CA12: variants seen among roughly 807,000 people sequenced by gnomAD.
The protein encoded by CA12 is carbonic anhydrase 12, also known as carbonate dehydratase XII.
In CA12, 36 loss-of-function variants were observed where a neutral mutation model predicts 46.8. The ratio of observed to expected loss-of-function variants is 0.77; its 90% CI spans 0.59 to 1.02. The LOEUF (loss-of-function observed/expected upper bound fraction) is 1.02, where lower values mean the gene tolerates loss of function less well. CA12 is among the 50% of genes least tolerant of loss of function. The probability of loss-of-function intolerance (pLI) is 0.00; values close to 1 mark genes in which losing one functional copy is unlikely to be tolerated. For synonymous variants in CA12, 202 were observed against 187.0 expected (o/e 1.08, Z -0.65); for missense variants, 436 against 451.4 (o/e 0.97, Z 0.31).
rs2152627757 is a variant in CA12 at position 63,375,629 on chromosome 15, A to G, written c.106+29T>C. 3.5e-6 allele frequency: 5 copies of G among 1,428,256 alleles called. No individual in the cohort carries two copies. The East Asian group carries it at 1.1e-4, about 33-fold the overall frequency. The allele number at this position is 1,428,256 out of a possible 1,614,324, so 88.5% of individuals were successfully genotyped here. ...TACAACCATTTCTATTTTCTTTTCA[A>G]CAAAAAAGTATTTAAAATCTCTACT... On this transcript the variant is annotated intron_variant, in intron 2 of 10. Coordinates refer to ENST00000178638, the MANE Select transcript of CA12 (RefSeq NM_001218.5).
rs1426283923 is a variant in CA12 at position 63,341,299 on chromosome 15, C to CT, written c.526-517dup. On this transcript the variant is annotated intron_variant, in intron 5 of 10. Coordinates refer to ENST00000178638, the MANE Select transcript of CA12 (RefSeq NM_001218.5). This position sits in a 1 kb window ranked among gnomAD's most constrained non-coding sequence, Gnocchi z 5.2. ...CCCCAGGCTGTGGACCAGTACCGGT[C>CT]TGTGGCCTGTTAGGAACTGGGCCGC... Among the ~76,000 whole-genome samples the CT allele has an allele frequency of 6.6e-6, 1 of 152,098 alleles. No individual in the cohort carries two copies. Among genetic ancestry groups the CT allele is most frequent in the East Asian group, 1.9e-4 (1 of 5,198 alleles).
intron 2 of CA12, among the ~76,000 whole-genome samples, chr15:63,371,022 G>T (rs2039498559): frequency 6.6e-6 from 1 of 152,112 alleles, no homozygotes; most frequent in Non-Finnish European, 1.5e-5. Flanking sequence ...TTTTTATATT[G>T]CAATTCAGGT....
rs2038800463 is a variant in CA12 at position 63,322,314 on chromosome 15, C to T, written c.*3971G>A. ...TTCAAAGATTTACTGCAGAAAAAAA[C>T]ACATGAAAATACTGGTTACATGTGG... On this transcript the variant is annotated 3_prime_UTR_variant, in exon 11 of 11. Coordinates refer to ENST00000178638, the MANE Select transcript of CA12 (RefSeq NM_001218.5). This position sits in a 1 kb window ranked among gnomAD's most constrained non-coding sequence, Gnocchi z 4.1. 1 of 151,698 alleles carries T rather than the reference C, an allele frequency of 6.6e-6. No individual in the cohort carries two copies. The highest frequency in any genetic ancestry group is 6.6e-5 in the Admixed American group (1 of 15,232). 9.4% of individuals were successfully genotyped at this position (151,698 alleles called of 1,614,324 possible). A position where few individuals can be genotyped will look rare whatever the true frequency, so the allele number is the denominator to read the frequency against.
At chr15:63,357,392 C>A (rs1268194364) in intron 2 of CA12, among the ~76,000 whole-genome samples, 1 of 152,178 alleles carries the variant, frequency 6.6e-6, no homozygotes, top group African/African-American at 2.4e-5. Flanking sequence ...CAGCCCAGAG[C>A]CATATTTCTC....
chr15:63,362,390 A>T (rs1197948212), intron 2 of CA12, among the ~76,000 whole-genome samples: 1 of 152,234 alleles, frequency 6.6e-6, no homozygotes, highest in Non-Finnish European at 1.5e-5. Flanking sequence ...GCTCTGAACC[A>T]TGACAGTTCA....
At chr15:63,379,661 C>T (rs369423115) in intron 1 of CA12, among the ~76,000 whole-genome samples, 2 of 152,184 alleles carry the variant, frequency 1.3e-5, no homozygotes, top group African/African-American at 4.8e-5. Flanking sequence ...GGGAGGTTCC[C>T]CTGGAGGGAA....
At chr15:63,365,456 T>C (rs916512509) in intron 2 of CA12, among the ~76,000 whole-genome samples, 1 of 152,236 alleles carries the variant, frequency 6.6e-6, no homozygotes, top group Non-Finnish European at 1.5e-5. Flanking sequence ...TGGAGCCACC[T>C]GACAGTTTTG....
In CA12 at chr15:63,373,357, CA is replaced by C. The variant is rs34038507; in HGVS notation, c.106+2300del. Among the ~76,000 whole-genome samples, 651 of 138,938 alleles carry C rather than the reference CA, an allele frequency of 4.7e-3. 1 individual carries two copies. The highest frequency in any genetic ancestry group is 8.3e-3 in the African/African-American group (310 of 37,544). The allele number at this position is 138,938 out of a possible 152,430, so 91.1% of individuals were successfully genotyped here. A position where few individuals can be genotyped will look rare whatever the true frequency, so the allele number is the denominator to read the frequency against. ...TCCACCCTGGGTGAGAATGAGACTCCAAAAAAAAAAAAAAAATTTGTCCTCC... is the reference window on the plus strand; with the variant it reads ...TCCACCCTGGGTGAGAATGAGACTCCAAAAAAAAAAAAAAATTTGTCCTCC... On this transcript the variant is annotated intron_variant, in intron 2 of 10. Coordinates refer to ENST00000178638, the MANE Select transcript of CA12 (RefSeq NM_001218.5). This position sits in a 1 kb window ranked among gnomAD's most constrained non-coding sequence, Gnocchi z 4.9.
intron 2 of CA12, among the ~76,000 whole-genome samples, chr15:63,353,356 T>C (rs1208036899): frequency 6.6e-6 from 1 of 152,062 alleles, no homozygotes; most frequent in Non-Finnish European, 1.5e-5. Flanking sequence ...CCCAGCAAGC[T>C]CAGAGGCCCC....
chr15:63,376,491 G>A lies in CA12; in HGVS notation c.86-813C>T, dbSNP rs140401604. 2.6e-5 allele frequency among the ~76,000 whole-genome samples: 4 copies of A among 152,056 alleles called. 1 individual carries two copies. The East Asian group carries it at 7.7e-4, about 29-fold the overall frequency. The stretch of plus-strand genomic sequence containing the variant: ...TGGCATACTGGAAATAGTGTTCTGT[G>A]TCTTGCTTTTTCCCACTTTACATTT... On this transcript the variant is annotated intron_variant, in intron 1 of 10. Coordinates refer to ENST00000178638, the MANE Select transcript of CA12 (RefSeq NM_001218.5).
Position 63,330,644 on chromosome 15 carries a change from G to A in CA12, c.875-2514C>T, listed in dbSNP as rs2038926222. On this transcript the variant is annotated intron_variant, in intron 8 of 10. Transcript: ENST00000178638. The surrounding 1 kb of genome is among the most constrained non-coding windows in gnomAD (Gnocchi z 4.0). ...GGGGTACCCTTCATGCCTGGTCTTG[G>A]GGAGCTGAGCAAAGTCTATGGAGAG... Among the ~76,000 whole-genome samples, 1 of 152,196 alleles carries A rather than the reference G, an allele frequency of 6.6e-6. No individual in the cohort carries two copies. The highest frequency in any genetic ancestry group is 2.4e-5 in the African/African-American group (1 of 41,448).
chr15:63,350,322 T>C (rs186345983), intron 2 of CA12, among the ~76,000 whole-genome samples: 10 of 152,344 alleles, frequency 6.6e-5, no homozygotes, highest in African/African-American at 2.4e-4. Context: ...TGCTGGCCGC[T>C]ACACCCTGGG....
chr15:63,350,449 G>A (rs1366647119), intron 2 of CA12, among the ~76,000 whole-genome samples: 2 of 152,178 alleles, frequency 1.3e-5, no homozygotes, highest in Non-Finnish European at 2.9e-5. Flanking sequence ...CTAAAACTTT[G>A]CCTTTGCTCT....
chr15:63,327,815 T>C lies in CA12; in HGVS notation c.907+283A>G, dbSNP rs1482844099. ...AGCTGACCTCCACAATGGGCTCTGGTATGTTTTCAGCAACAGCCTCCCACC... is the reference window on the plus strand; with the variant it reads ...AGCTGACCTCCACAATGGGCTCTGGCATGTTTTCAGCAACAGCCTCCCACC... On this transcript the variant is annotated intron_variant, in intron 9 of 10. Coordinates refer to ENST00000178638, the MANE Select transcript of CA12 (RefSeq NM_001218.5). This position sits in a 1 kb window ranked among gnomAD's most constrained non-coding sequence, Gnocchi z 4.5. Among the ~76,000 whole-genome samples the C allele has an allele frequency of 6.6e-6, 1 of 152,194 alleles. No individual in the cohort carries two copies. Among genetic ancestry groups the C allele is most frequent in the African/African-American group, 2.4e-5 (1 of 41,440 alleles).
chr15:63,336,578 T>A (rs2039007515), intron 8 of CA12, among the ~76,000 whole-genome samples: 1 of 126,282 alleles, frequency 7.9e-6, no homozygotes, highest in Non-Finnish European at 1.6e-5. Context: ...TGAGACAGAG[T>A]CTCACTCTGT....
Position 63,381,693 on chromosome 15 carries a change from C to A in CA12, c.28G>T (p.Ala10Ser), listed in dbSNP as rs761466985. Reference protein sequence around the residue: MPRRSLHAAAVLLLVILKEQ... With the variant: MPRRSLHAASVLLLVILKEQ... ...TTTAAGATCACCAGCAGGAGCACGG[C>A]CGCCGCGTGCAGGCTGCGCCGGGGC... The change falls in exon 1 of 11, where the codon GCC becomes TCC. Residue 10 changes from alanine (A) to serine (S), a missense_variant. By Grantham distance (99) the Ala-to-Ser change is moderately conservative (BLOSUM62 1). Coordinates refer to ENST00000178638, the MANE Select transcript of CA12 (RefSeq NM_001218.5). The A allele has an allele frequency of 1.3e-5, 21 of 1,608,700 alleles. No homozygotes were observed. The highest frequency in any genetic ancestry group is 4.0e-5 in the African/African-American group (3 of 74,734).
intron 2 of CA12, among the ~76,000 whole-genome samples, chr15:63,368,776 C>T (rs551467108): frequency 2.0e-5 from 3 of 152,220 alleles, no homozygotes; most frequent in Non-Finnish European, 2.9e-5. Flanking sequence ...CCTGCCAGCC[C>T]GCTGCACCTG....
In CA12 at chr15:63,328,114, C is replaced by T. The variant is rs150772033; in HGVS notation, c.891G>A (p.Ala297=). ...TSFSQVQVCT[A]AGLSLGIILS... is the part of the protein sequence containing the mutation. ...GCCACATACCCAGACTCAGTCCTGC[C>T]GCAGTACAGACTTGCACTTAAAAGG... The change falls in exon 9 of 11, where the codon GCG becomes GCA. Residue 297 remains alanine (A), a synonymous_variant. Transcript: ENST00000178638. The surrounding 1 kb of genome is among the most constrained non-coding windows in gnomAD (Gnocchi z 5.9). 72 of 1,614,018 alleles carry T rather than the reference C, an allele frequency of 4.5e-5. No homozygotes were observed. In the African/African-American group the frequency reaches 6.5e-4, roughly 15 times the overall value.
rs1308676149 is a variant in CA12, at chr15:63,330,883, G to A, written c.875-2753C>T. Among the ~76,000 whole-genome samples the A allele has an allele frequency of 2.0e-5, 3 of 152,192 alleles. No individual in the cohort carries two copies. The highest frequency in any genetic ancestry group is 4.4e-5 in the Non-Finnish European group (3 of 68,032). ...TAAATGGACTCTCCTTGGAAACAAC[G>A]AAATGAGACCAAACAGGCATGAAGA... On this transcript the variant is annotated intron_variant, in intron 8 of 10. Transcript: ENST00000178638. The surrounding 1 kb of genome is among the most constrained non-coding windows in gnomAD (Gnocchi z 4.0).
Sources: gnomAD v4.1 joint callset for allele counts (sites outside exome capture counted in the v4.1 genomes callset) on GRCh38, gnomAD v4.1.1 for gene constraint, Gnocchi (gnomAD v3.1) non-coding constraint, MANE v1.5 for transcripts, NCBI Gene and HGNC (gene_info 2026-07-23, HGNC 2026-07-21) for gene names.